Variants in TRPC4 observed in about 807,000 individuals in gnomAD.
The protein encoded by TRPC4 is short transient receptor potential channel 4.
In TRPC4, 49 loss-of-function variants were observed where a neutral mutation model predicts 99.4. The observed-to-expected ratio is 0.49, with a 90% CI of 0.39 to 0.63. TRPC4 has a LOEUF of 0.63. Among genes scored for constraint, TRPC4 ranks in the 20% least tolerant of loss-of-function variants. The pLI is 0.00. For missense variants in TRPC4, 898 were observed against 1,152.9 expected (o/e 0.78, Z 3.20); for synonymous variants, 454 against 425.9 (o/e 1.07, Z -0.81).
intron 1 of TRPC4, among the ~76,000 whole-genome samples, chr13:37,843,805 C>T (rs1420139558): frequency 6.6e-6 from 1 of 152,060 alleles, no homozygotes. Context: ...AGAAATCTAA[C>T]CAGCAACTAT....
intron 1 of TRPC4, among the ~76,000 whole-genome samples, chr13:37,801,508 A>G (rs1177393876): frequency 6.6e-6 from 1 of 152,108 alleles, no homozygotes; most frequent in East Asian, 1.9e-4. Flanking sequence ...GTTAAGAAAT[A>G]AAAAAAGGTT....
chr13:37,701,164 AAG>A (rs1165946632), intron 3 of TRPC4, among the ~76,000 whole-genome samples: 1 of 152,186 alleles, frequency 6.6e-6, no homozygotes, highest in African/African-American at 2.4e-5. Flanking sequence ...AAGGGACAAA[AAG>A]AGTTATAGTT....
At position 37,633,532 on chromosome 13, in the gene TRPC4, T is replaced by C. The variant is rs1951438414; in HGVS notation, c.*3371A>G. Among the ~76,000 whole-genome samples, 1 of 152,186 alleles carries C rather than the reference T, an allele frequency of 6.6e-6. No individual in the cohort carries two copies. Among genetic ancestry groups the C allele is most frequent in the South Asian group, 2.1e-4 (1 of 4,832 alleles). On this transcript the variant is annotated 3_prime_UTR_variant, in exon 11 of 11. Transcript: ENST00000379705. ...ATTGAATGTTAGAAGAATATATTCT[T>C]ATGCTATTGTTACTTATGTTTCCTC...
At chr13:37,763,025 A>G (rs1440866375) in intron 2 of TRPC4, among the ~76,000 whole-genome samples, 2 of 151,644 alleles carry the variant, frequency 1.3e-5, no homozygotes, top group African/African-American at 2.4e-5. Flanking sequence ...ACATTAATAA[A>G]GTAATGCAAG....
At chr13:37,792,196 C>T (rs952197780) in intron 1 of TRPC4, among the ~76,000 whole-genome samples, 8 of 152,104 alleles carry the variant, frequency 5.3e-5, no homozygotes, top group African/African-American at 1.9e-4. Flanking sequence ...AACATATTAA[C>T]CCCTAAGATT....
intron 3 of TRPC4, among the ~76,000 whole-genome samples, chr13:37,705,788 A>G (rs1469531570): frequency 6.6e-6 from 1 of 152,116 alleles, no homozygotes; most frequent in Non-Finnish European, 1.5e-5. Flanking sequence ...TAGCTCCTGT[A>G]CGACACTTTC....
rs539885353 is a variant in TRPC4 at position 37,845,441 on chromosome 13, G to T, written c.-28+24154C>A. On this transcript the variant is annotated intron_variant, in intron 1 of 10. Coordinates refer to ENST00000379705, the MANE Select transcript of TRPC4 (RefSeq NM_016179.4). ...GAAAAAGTTATAAACAAAATGAGAAGCTTGCAAAGAAACATAAATAATAAA... is the reference window on the plus strand; with the variant it reads ...GAAAAAGTTATAAACAAAATGAGAATCTTGCAAAGAAACATAAATAATAAA... Among the ~76,000 whole-genome samples the T allele has an allele frequency of 2.0e-5, 3 of 152,030 alleles. No individual in the cohort carries two copies. The East Asian group carries it at 5.8e-4, about 29-fold the overall frequency.
chr13:37,709,002 A>T (rs1315120043), intron 3 of TRPC4, among the ~76,000 whole-genome samples: 2 of 151,944 alleles, frequency 1.3e-5, no homozygotes, highest in African/African-American at 4.8e-5. Context: ...CTTCTGTCAT[A>T]TCTGTACAAT....
At chr13:37,795,818 A>T (rs891763865) in intron 1 of TRPC4, among the ~76,000 whole-genome samples, 1 of 152,158 alleles carries the variant, frequency 6.6e-6, no homozygotes, top group African/African-American at 2.4e-5. Context: ...CCAAATGGTG[A>T]ACTTTCTACT....
intron 3 of TRPC4, among the ~76,000 whole-genome samples, chr13:37,733,281 G>T (rs1955295138): frequency 6.6e-6 from 1 of 152,014 alleles, no homozygotes; most frequent in Non-Finnish European, 1.5e-5. Context: ...CCAAAACACA[G>T]CGAGCCTAAG....
At chr13:37,737,841 A>C (rs1222726785) in intron 3 of TRPC4, among the ~76,000 whole-genome samples, 1 of 152,158 alleles carries the variant, frequency 6.6e-6, no homozygotes, top group East Asian at 1.9e-4. Flanking sequence ...GATACCAATA[A>C]AACATTTTCC....
In TRPC4 at chr13:37,700,908, T is replaced by C. The variant is rs564531040; in HGVS notation, c.898-8573A>G. 2.2e-3 allele frequency among the ~76,000 whole-genome samples: 336 copies of C among 152,328 alleles called. 1 individual carries two copies. Among genetic ancestry groups the C allele is most frequent in the African/African-American group, 7.3e-3 (302 of 41,582 alleles). ...TCCCTGACAAAAGCTCTGCTGACTA[T>C]CTTGGCTGACAGATTTTCTGGGCTT... On this transcript the variant is annotated intron_variant, in intron 3 of 10. Transcript: ENST00000379705.
chr13:37,746,179 T>C lies in TRPC4; in HGVS notation c.655A>G (p.Thr219Ala), dbSNP rs1313272633. ...IALSSEDPFL[T>A]AFQLSWELQE... Reference sequence around the variant, plus strand: ...AGTTCCCAACTTAACTGAAAGGCTGTGAGAAAAGGATCTTCGCTTGACAGT... The same window carrying C: ...AGTTCCCAACTTAACTGAAAGGCTGCGAGAAAAGGATCTTCGCTTGACAGT... The change falls in exon 3 of 11, where the codon ACA becomes GCA. Residue 219 changes from threonine (T) to alanine (A), a missense_variant. By Grantham distance (58) the Thr-to-Ala change is moderately conservative. Transcript: ENST00000379705. The C allele has an allele frequency of 1.4e-5, 23 of 1,613,888 alleles. No individual in the cohort carries two copies. Among genetic ancestry groups the C allele is most frequent in the Non-Finnish European group, 1.9e-5 (23 of 1,179,878 alleles).
intron 3 of TRPC4, among the ~76,000 whole-genome samples, chr13:37,738,700 C>G (rs147502500): frequency 6.6e-6 from 1 of 152,060 alleles, no homozygotes; most frequent in Non-Finnish European, 1.5e-5. Flanking sequence ...TCAAGAGATG[C>G]CTGATATAAA....
intron 4 of TRPC4, among the ~76,000 whole-genome samples, chr13:37,680,859 T>A (rs1953212712): frequency 6.6e-6 from 1 of 152,250 alleles, no homozygotes; most frequent in South Asian, 2.1e-4. Flanking sequence ...ATTCGGTTGC[T>A]TTCAGATTTG....
chr13:37,666,749 C>T (rs974531462), intron 5 of TRPC4, among the ~76,000 whole-genome samples: 1 of 152,160 alleles, frequency 6.6e-6, no homozygotes, highest in Non-Finnish European at 1.5e-5. Context: ...TTCATCTTCG[C>T]ATGTTTGTCT....
intron 1 of TRPC4, among the ~76,000 whole-genome samples, chr13:37,815,228 T>C (rs1957815840): frequency 6.6e-6 from 1 of 151,672 alleles, no homozygotes; most frequent in Non-Finnish European, 1.5e-5. Context: ...ACATAATAAC[T>C]AGCTAATGAC....
intron 7 of TRPC4, among the ~76,000 whole-genome samples, 155 bp from the exon 8 acceptor site, chr13:37,651,614 A>C (rs1032587585): frequency 4.6e-5 from 7 of 152,166 alleles, no homozygotes; most frequent in Admixed American, 3.9e-4. Context: ...CAGTCATCTA[A>C]ACATTTCAGA....
At chr13:37,738,910 C>G (rs1223729964) in intron 3 of TRPC4, among the ~76,000 whole-genome samples, 1 of 149,312 alleles carries the variant, frequency 6.7e-6, no homozygotes, top group South Asian at 2.2e-4. Context: ...TATGATGACC[C>G]AAACTGAGGG....
Sources: allele counts gnomAD v4.1 joint callset (sites outside exome capture counted in the v4.1 genomes callset), GRCh38; gene constraint gnomAD v4.1.1; transcripts MANE v1.5; gene names NCBI Gene and HGNC (gene_info 2026-07-23, HGNC 2026-07-21).